The following ICA1L variants were observed in gnomAD, a reference collection of about 807,000 sequenced individuals.
ICA1L encodes the protein islet cell autoantigen 1-like protein.
Under a neutral mutation model 61.3 loss-of-function variants are expected in ICA1L, and 50 were observed. That is an observed-to-expected ratio of 0.82 (90% CI 0.65 to 1.03). ICA1L has a LOEUF of 1.03. Ranked by LOEUF, ICA1L falls within the 50% of genes least tolerant of loss-of-function variation. ICA1L has a pLI of 0.00. For synonymous variants in ICA1L, 161 were observed against 191.3 expected, an observed-to-expected ratio of 0.84 and a Z score of 1.31; for missense variants, 508 against 556.7, an observed-to-expected ratio of 0.91 and a Z score of 0.88.
chr2:202,782,428 G>A (rs1692439249), intron 12 of ICA1L, among the ~76,000 whole-genome samples: 1 of 149,796 alleles, frequency 6.7e-6, no homozygotes, highest in African/African-American at 2.5e-5. Flanking sequence ...TTTTTTTTGA[G>A]ATGGAGTCTT....
rs556731112 is a variant in ICA1L, at chr2:202,789,399, A to G, written c.986-312T>C. ...AACAAATTAATAATACGAGACTTTAATATACCACTCTGACTAAAAAACAGG... is the reference window on the plus strand; with the variant it reads ...AACAAATTAATAATACGAGACTTTAGTATACCACTCTGACTAAAAAACAGG... On this transcript the variant is annotated intron_variant, in intron 10 of 12. Transcript: ENST00000358299. Among the ~76,000 whole-genome samples, 13 of 152,338 alleles carry G rather than the reference A, an allele frequency of 8.5e-5. 1 individual carries two copies. Among genetic ancestry groups the G allele is most frequent in the Admixed American group, 8.5e-4 (13 of 15,302 alleles).
In ICA1L at chr2:202,780,089, T is replaced by C. The variant is rs138562969; in HGVS notation, c.1334-441A>G. Among the ~76,000 whole-genome samples, 7 of 152,352 alleles carry C rather than the reference T, an allele frequency of 4.6e-5. No homozygotes were observed. The East Asian group carries it at 1.3e-3, about 29-fold the overall frequency. Reference sequence around the variant, plus strand: ...TGTGGTCTCCATAGAACATTTAAGATCACTTATAGAAGACTCTCAGATAAG... The same window carrying C: ...TGTGGTCTCCATAGAACATTTAAGACCACTTATAGAAGACTCTCAGATAAG... On this transcript the variant is annotated intron_variant, in intron 12 of 12. Coordinates refer to ENST00000358299, the MANE Select transcript of ICA1L (RefSeq NM_001288622.3).
chr2:202,829,038 T>C (rs776179974), intron 1 of ICA1L, 22 bp from the exon 2 acceptor site: 2 of 1,512,498 alleles, frequency 1.3e-6, no homozygotes, highest in East Asian at 4.7e-5. Flanking sequence ...AGACTAAAAT[T>C]AAACTTCTTT....
At chr2:202,832,875 A>C (rs1194260871) in intron 1 of ICA1L, among the ~76,000 whole-genome samples, 2 of 152,112 alleles carry the variant, frequency 1.3e-5, no homozygotes, top group Non-Finnish European at 2.9e-5. Flanking sequence ...CAATCTAAAA[A>C]CTGGGGCAAG....
At chr2:202,816,406 A>G (rs1693536254) in intron 6 of ICA1L, among the ~76,000 whole-genome samples, 1 of 152,212 alleles carries the variant, frequency 6.6e-6, no homozygotes, top group Non-Finnish European at 1.5e-5. Context: ...AATATATAAA[A>G]CTTTTTAATT....
chr2:202,789,307 A>G (rs1354118765), intron 10 of ICA1L, among the ~76,000 whole-genome samples: 1 of 152,202 alleles, frequency 6.6e-6, no homozygotes, highest in African/African-American at 2.4e-5. Flanking sequence ...ACCATTATGA[A>G]TGCTATATAT....
chr2:202,793,757 C>T (rs531348259), intron 10 of ICA1L, among the ~76,000 whole-genome samples: 2 of 151,894 alleles, frequency 1.3e-5, no homozygotes, highest in Admixed American at 6.6e-5. Flanking sequence ...GAGGCCGAGG[C>T]TGGTGGAGCA....
intron 5 of ICA1L, among the ~76,000 whole-genome samples, chr2:202,818,856 C>T (rs773883913): frequency 6.6e-6 from 1 of 152,186 alleles, no homozygotes; most frequent in Non-Finnish European, 1.5e-5. Flanking sequence ...TAGACTAATA[C>T]ATTATTCTTC....
At chr2:202,859,215 A>G (rs1476550473) in intron 1 of ICA1L, among the ~76,000 whole-genome samples, 1 of 152,224 alleles carries the variant, frequency 6.6e-6, no homozygotes, top group Non-Finnish European at 1.5e-5. Flanking sequence ...CCTAAAGAAT[A>G]CATTTTATAA....
chr2:202,826,893 G>A (rs979109326), intron 2 of ICA1L, among the ~76,000 whole-genome samples: 13 of 152,028 alleles, frequency 8.6e-5, no homozygotes, highest in Admixed American at 5.9e-4. Flanking sequence ...TCATCAAGAA[G>A]CCTGAACATT....
chr2:202,851,990 T>C (rs1177836690), intron 1 of ICA1L, among the ~76,000 whole-genome samples: 1 of 152,246 alleles, frequency 6.6e-6, no homozygotes, highest in Non-Finnish European at 1.5e-5. Flanking sequence ...TCTTTTGCTG[T>C]GCAGAAGCTC....
rs182628467 is a variant in ICA1L, at chr2:202,855,718, C to G, written c.-8+15901G>C. On this transcript the variant is annotated intron_variant, in intron 1 of 12. Coordinates refer to ENST00000358299, the MANE Select transcript of ICA1L (RefSeq NM_001288622.3). ...AGCCTAGGACCAGATGGATTCAGAG[C>G]CTGAACCAGAGGTACAAAGAGGAGC... is the stretch of plus-strand genomic sequence containing the variant. Among the ~76,000 whole-genome samples, 11 of 152,214 alleles carry G rather than the reference C, an allele frequency of 7.2e-5. No individual in the cohort carries two copies. The East Asian group carries it at 1.9e-3, about 27-fold the overall frequency.
chr2:202,851,388 C>T (rs1242135629), intron 1 of ICA1L, among the ~76,000 whole-genome samples: 1 of 152,164 alleles, frequency 6.6e-6, no homozygotes, highest in African/African-American at 2.4e-5. Flanking sequence ...ATATGTGCCA[C>T]ATTTTCTTAA....
chr2:202,833,791 C>T (rs1296991262), intron 1 of ICA1L, among the ~76,000 whole-genome samples: 1 of 152,032 alleles, frequency 6.6e-6, no homozygotes, highest in Non-Finnish European at 1.5e-5. Flanking sequence ...AGAAAGAAAT[C>T]CTGTCATTTG....
intron 9 of ICA1L, among the ~76,000 whole-genome samples, chr2:202,803,923 T>G (rs1165832924): frequency 6.6e-6 from 1 of 152,222 alleles, no homozygotes; most frequent in East Asian, 1.9e-4. Context: ...TATATACCCC[T>G]GTAGAAAGTA....
chr2:202,853,873 A>C (rs1475849016), intron 1 of ICA1L, among the ~76,000 whole-genome samples: 2 of 152,184 alleles, frequency 1.3e-5, no homozygotes, highest in African/African-American at 4.8e-5. Context: ...GGCCTGCCTT[A>C]CGAGAGCTCC....
At chr2:202,808,047 G>C (rs981658638) in intron 9 of ICA1L, among the ~76,000 whole-genome samples, 1 of 152,194 alleles carries the variant, frequency 6.6e-6, no homozygotes, top group Non-Finnish European at 1.5e-5. Context: ...TGCATTCTAA[G>C]CTATGGTGCC....
At position 202,776,173 on chromosome 2, in the gene ICA1L, C is replaced by G. The variant is rs532484605; in HGVS notation, c.*3360G>C. 1.3e-5 allele frequency: 2 copies of G among 152,200 alleles called. No individual in the cohort carries two copies. Among genetic ancestry groups the G allele is most frequent in the African/African-American group, 4.8e-5 (2 of 41,522 alleles). The allele number at this position is 152,200 out of a possible 1,614,324, so 9.4% of individuals were successfully genotyped here. On this transcript the variant is annotated 3_prime_UTR_variant, in exon 13 of 13. Coordinates refer to ENST00000358299, the MANE Select transcript of ICA1L (RefSeq NM_001288622.3). ...CTGTTTGTTGAAATACAGTTTGTTT[C>G]TAATCATATCAAGGTTCTACAATTA...
chr2:202,814,466 T>C (rs1478144723), intron 8 of ICA1L, among the ~76,000 whole-genome samples: 1 of 152,188 alleles, frequency 6.6e-6, no homozygotes, highest in African/African-American at 2.4e-5. Context: ...GCCACGCTCT[T>C]GAACTTCCCA....
Sources: allele counts gnomAD v4.1 joint callset (sites outside exome capture counted in the v4.1 genomes callset), GRCh38; gene constraint gnomAD v4.1.1; transcripts MANE v1.5; gene names NCBI Gene and HGNC (gene_info 2026-07-23, HGNC 2026-07-21).